Variants in SLX4IP observed in about 807,000 individuals in gnomAD.
The protein encoded by SLX4IP is SLX4 interacting protein.
In SLX4IP, 34 loss-of-function variants were observed where a neutral mutation model predicts 32.9. The observed-to-expected ratio is 1.03, with a 90% CI of 0.79 to 1.38. SLX4IP has a LOEUF of 1.38. SLX4IP is among the 40% of genes most tolerant of loss of function. SLX4IP has a pLI of 0.00. For missense variants in SLX4IP, 444 were observed against 479.0 expected (o/e 0.93, Z 0.68); for synonymous variants, 172 against 171.7 (o/e 1.00, Z -0.01).
At chr20:10,604,399 C>CTTTTTTTTTTTTTT (rs1423858409) in intron 6 of SLX4IP, among the ~76,000 whole-genome samples, 1 of 151,130 alleles carries the variant, frequency 6.6e-6, no homozygotes. Context: ...TTTCCTTCAT[C>CTTTTTTTTTTTTTT]TTTTTTTTTG....
chr20:10,500,511 G>T (rs190898072), intron 2 of SLX4IP, among the ~76,000 whole-genome samples: 17 of 152,258 alleles, frequency 1.1e-4, no homozygotes, highest in African/African-American at 1.7e-4. Context: ...AGCACTTTGG[G>T]AGGCTGAGGC....
At chr20:10,590,582 A>G (rs1381390453) in intron 4 of SLX4IP, among the ~76,000 whole-genome samples, 1 of 152,100 alleles carries the variant, frequency 6.6e-6, no homozygotes, top group Non-Finnish European at 1.5e-5. Context: ...GCTGGTCTCA[A>G]ACTCTTGAGC....
intron 4 of SLX4IP, among the ~76,000 whole-genome samples, chr20:10,561,151 T>C (rs779511858): frequency 6.6e-6 from 1 of 152,244 alleles, no homozygotes; most frequent in Non-Finnish European, 1.5e-5. Context: ...GATATTTTGA[T>C]ACGTGTATAC....
chr20:10,611,042 C>T (rs968156751), intron 6 of SLX4IP, among the ~76,000 whole-genome samples: 5 of 152,126 alleles, frequency 3.3e-5, no homozygotes, highest in African/African-American at 1.2e-4. Flanking sequence ...TATTTCACAT[C>T]GCTGATGCTC....
chr20:10,510,090 C>T (rs1334424865), intron 2 of SLX4IP, among the ~76,000 whole-genome samples: 2 of 151,780 alleles, frequency 1.3e-5, no homozygotes, highest in Non-Finnish European at 2.9e-5. Flanking sequence ...ATTTTTGAGC[C>T]TAATGTTATA....
At chr20:10,559,581 T>C (rs2066308375) in intron 3 of SLX4IP, among the ~76,000 whole-genome samples, 1 of 152,144 alleles carries the variant, frequency 6.6e-6, no homozygotes, top group Non-Finnish European at 1.5e-5. Context: ...GAAATTTAGA[T>C]TTGTGTATGA....
intron 2 of SLX4IP, among the ~76,000 whole-genome samples, chr20:10,544,259 C>A (rs180858214): frequency 1.1e-3 from 175 of 152,326 alleles, no homozygotes; most frequent in African/African-American, 3.7e-3. Flanking sequence ...GCAGGTAGAT[C>A]TCTTTTTCCC....
chr20:10,442,419 G>C (rs2065166623), intron 1 of SLX4IP, among the ~76,000 whole-genome samples: 6 of 152,086 alleles, frequency 3.9e-5, no homozygotes, highest in Admixed American at 3.9e-4. Context: ...TTTTTGGTAG[G>C]TCATACCCTA....
chr20:10,573,997 T>G (rs2066495087), intron 4 of SLX4IP, among the ~76,000 whole-genome samples: 1 of 152,232 alleles, frequency 6.6e-6, no homozygotes, highest in Non-Finnish European at 1.5e-5. Flanking sequence ...AAACTTGAAG[T>G]TTTATACTTT....
At chr20:10,513,641 G>A (rs2065828589) in intron 2 of SLX4IP, among the ~76,000 whole-genome samples, 1 of 152,234 alleles carries the variant, frequency 6.6e-6, no homozygotes, top group Non-Finnish European at 1.5e-5. Context: ...GGAAGAGTAG[G>A]AGGCTGCCTT....
At position 10,627,805 on chromosome 20, in the gene SLX4IP, A is replaced by G. The variant is rs1373165020; in HGVS notation, c.*4426A>G. ...TTGACCCTAAAGTATTTGATCAGGG[A>G]ACAGAAGGTGTGAATTGGACAGATC... is the stretch of plus-strand genomic sequence containing the variant. On this transcript the variant is annotated 3_prime_UTR_variant, in exon 8 of 8. Transcript: ENST00000334534. 1 of 152,260 alleles carries G rather than the reference A, an allele frequency of 6.6e-6. No individual in the cohort carries two copies. Among genetic ancestry groups the G allele is most frequent in the Non-Finnish European group, 1.5e-5 (1 of 68,050 alleles). The allele number at this position is 152,260 out of a possible 1,614,324, so 9.4% of individuals were successfully genotyped here.
At chr20:10,591,569 T>A (rs1176418726) in intron 4 of SLX4IP, among the ~76,000 whole-genome samples, 1 of 152,224 alleles carries the variant, frequency 6.6e-6, no homozygotes, top group African/African-American at 2.4e-5. Flanking sequence ...TTATTAAACA[T>A]CTCTGTTTCT....
intron 4 of SLX4IP, among the ~76,000 whole-genome samples, chr20:10,581,753 A>C (rs905560285): frequency 1.3e-5 from 2 of 151,742 alleles, no homozygotes; most frequent in Non-Finnish European, 2.9e-5. Flanking sequence ...CCATCTCTAC[A>C]AAAAAAAATT....
intron 4 of SLX4IP, among the ~76,000 whole-genome samples, chr20:10,573,850 C>T (rs905031510): frequency 6.6e-6 from 1 of 152,124 alleles, no homozygotes; most frequent in Non-Finnish European, 1.5e-5. Context: ...TGGACTCAAT[C>T]AAAACATTTT....
chr20:10,440,049 A>G (rs2065147830), intron 1 of SLX4IP, among the ~76,000 whole-genome samples: 1 of 152,242 alleles, frequency 6.6e-6, no homozygotes, highest in Non-Finnish European at 1.5e-5. Flanking sequence ...TTATGGGATA[A>G]TATATAGAAT....
At chr20:10,548,486 G>A (rs533121606) in intron 2 of SLX4IP, among the ~76,000 whole-genome samples, 24 of 152,250 alleles carry the variant, frequency 1.6e-4, no homozygotes, top group African/African-American at 3.9e-4. Flanking sequence ...TGATCCTCCC[G>A]CCTTGGCCTC....
chr20:10,547,001 G>A (rs563929357), intron 2 of SLX4IP, among the ~76,000 whole-genome samples: 58 of 152,308 alleles, frequency 3.8e-4, no homozygotes, highest in South Asian at 4.1e-4. Context: ...CTACCCCAGG[G>A]TCCCAGGGGC....
intron 4 of SLX4IP, among the ~76,000 whole-genome samples, chr20:10,588,035 A>G (rs1447389458): frequency 2.0e-5 from 3 of 152,122 alleles, no homozygotes; most frequent in Non-Finnish European, 4.4e-5. Context: ...ACAAAATGAA[A>G]AGGTAACCTA....
chr20:10,543,291 C>T (rs184344460), intron 2 of SLX4IP, among the ~76,000 whole-genome samples: 116 of 152,318 alleles, frequency 7.6e-4, no homozygotes, highest in Non-Finnish European at 1.4e-3. Flanking sequence ...CAATTAGTTA[C>T]CATGTTTGAG....
Sources: allele counts gnomAD v4.1 joint callset (sites outside exome capture counted in the v4.1 genomes callset), GRCh38; gene constraint gnomAD v4.1.1; transcripts MANE v1.5; gene names NCBI Gene and HGNC (gene_info 2026-07-23, HGNC 2026-07-21).